The following PLA2R1 variants were observed in gnomAD, a reference collection of about 807,000 sequenced individuals.
The protein encoded by PLA2R1 is phospholipase A2 receptor 1.
A neutral mutation model predicts 195.9 loss-of-function variants in PLA2R1; 158 were observed. That is an observed-to-expected ratio of 0.81 (90% CI 0.71 to 0.92). The LOEUF is 0.92. Ranked by LOEUF, PLA2R1 falls within the 40% of genes least tolerant of loss-of-function variation. The pLI is 0.00. For synonymous variants in PLA2R1, 586 were observed against 598.2 expected, an observed-to-expected ratio of 0.98 and a Z score of 0.30; for missense variants, 1,626 against 1,764.6, an observed-to-expected ratio of 0.92 and a Z score of 1.41.
intron 23 of PLA2R1, among the ~76,000 whole-genome samples, chr2:159,954,377 C>T (rs1454861317): frequency 2.0e-5 from 3 of 151,826 alleles, no homozygotes; most frequent in Admixed American, 6.6e-5. Flanking sequence ...TTCCTGACCA[C>T]TATAATGTTT....
At position 160,062,450 on chromosome 2, in the gene PLA2R1, T is replaced by C; in HGVS notation, c.-47A>G. ...GGAGCCCCTTGTCCCGGGAGCCCCT[T>C]ATCCCGGGAGCCCAGAGCCGCGTCC... On this transcript the variant is annotated 5_prime_UTR_variant, in exon 1 of 30. It adds an upstream start codon to the 5' untranslated region. Transcript: ENST00000283243. 1 of 1,500,864 alleles carries C rather than the reference T, an allele frequency of 6.7e-7. No homozygotes were observed. The highest frequency in any genetic ancestry group is 8.9e-7 in the Non-Finnish European group (1 of 1,126,652). 93.0% of individuals were successfully genotyped at this position (1,500,864 alleles called of 1,614,324 possible). A position where few individuals can be genotyped will look rare whatever the true frequency, so the allele number is the denominator to read the frequency against.
chr2:159,944,803 T>C, intron 28 of PLA2R1, 103 bp downstream of exon 28: 2 of 812,688 alleles, frequency 2.5e-6, no homozygotes, highest in Non-Finnish European at 4.1e-6. Context: ...TCTATCTGAA[T>C]ACTCTCTCAA....
In PLA2R1 at chr2:160,022,800, G is replaced by A. The variant is rs150221555; in HGVS notation, c.1159C>T (p.Arg387Cys). The A allele has an allele frequency of 1.7e-4, 281 of 1,613,504 alleles. 1 individual carries two copies. Among genetic ancestry groups the A allele is most frequent in the Admixed American group, 9.5e-4 (57 of 59,984 alleles). Residue 387 changes from arginine (R) to cysteine (C), a missense_variant, in exon 7 of 30, where the codon CGT (arginine) becomes TGT (cysteine). Transcript: ENST00000283243. ...TCTTTCTGAAGTTTGTAGCAATTAC[G>A]ATTGTAGGGATTCCAGCCAGGCTCA... ...HCEPGWNPYN[R>C]NCYKLQKEEK...
intron 13 of PLA2R1, among the ~76,000 whole-genome samples, chr2:159,981,090 C>T (rs577262419): frequency 7.9e-5 from 12 of 152,264 alleles, no homozygotes; most frequent in Admixed American, 5.9e-4. Flanking sequence ...TCTTTCCTCA[C>T]TGAATTCAGA....
At chr2:159,991,873 T>C (rs1690831059) in intron 11 of PLA2R1, among the ~76,000 whole-genome samples, 1 of 86,792 alleles carries the variant, frequency 1.2e-5, no homozygotes, top group Non-Finnish European at 2.4e-5. Context: ...TCGTTGGACA[T>C]TTGGGTTGGT....
At chr2:159,951,680 G>C (rs998051090) in intron 23 of PLA2R1, 102 bp from the exon 24 acceptor site, 2 of 695,238 alleles carry the variant, frequency 2.9e-6, no homozygotes, top group African/African-American at 3.5e-5. Context: ...ATGTTGATCA[G>C]AGTGCTTTCT....
In PLA2R1 at chr2:160,042,175, T is replaced by C. The variant is rs771214170; in HGVS notation, c.517A>G (p.Thr173Ala). The C allele has an allele frequency of 2.5e-6, 4 of 1,613,866 alleles. No individual in the cohort carries two copies. Among genetic ancestry groups the C allele is most frequent in the Non-Finnish European group, 3.4e-6 (4 of 1,179,772 alleles). Reference sequence around the variant, plus strand: ...GGAAACATACACGGCATCCCGTGGGTGTTCCCTTTGATTGTATGCAAATCT... The same window carrying C: ...GGAAACATACACGGCATCCCGTGGGCGTTCCCTTTGATTGTATGCAAATCT... ...HKDLHTIKGN[T>A]HGMPCMFPFQ... Residue 173 changes from threonine to alanine, a missense_variant, in exon 3 of 30, where the codon ACC (threonine) becomes GCC (alanine). Coordinates refer to ENST00000283243, the MANE Select transcript of PLA2R1 (RefSeq NM_007366.5).
At chr2:160,060,968 G>A (rs557624578) in intron 1 of PLA2R1, among the ~76,000 whole-genome samples, 12 of 152,364 alleles carry the variant, frequency 7.9e-5, no homozygotes, top group African/African-American at 2.9e-4. Flanking sequence ...GAGCATCTCT[G>A]ACTTTGGTCA....
At chr2:159,942,408 G>A (rs1422423648) in intron 28 of PLA2R1, among the ~76,000 whole-genome samples, 1 of 152,120 alleles carries the variant, frequency 6.6e-6, no homozygotes, top group Non-Finnish European at 1.5e-5. Flanking sequence ...TACAGAAAAA[G>A]TTTGCTGACC....
chr2:160,009,570 T>A (rs1173728844), intron 10 of PLA2R1, among the ~76,000 whole-genome samples: 1 of 152,104 alleles, frequency 6.6e-6, no homozygotes, highest in Non-Finnish European at 1.5e-5. Context: ...GTACAGAGTT[T>A]CAGTTTGGGA....
chr2:159,952,475 A>G (rs140371462), intron 23 of PLA2R1, among the ~76,000 whole-genome samples: 175 of 152,346 alleles, frequency 1.1e-3, no homozygotes, highest in African/African-American at 4.0e-3. Flanking sequence ...AAAACAAGGT[A>G]AGAGTTTTTG....
At chr2:160,044,255 T>C (rs55713072) in intron 2 of PLA2R1, among the ~76,000 whole-genome samples, 14,129 of 152,070 alleles carry the variant, frequency 0.093, 933 homozygotes, top group East Asian at 0.25. Flanking sequence ...CCCCCGACAA[T>C]AGTCTGTCAT....
the PLA2R1 span, among the ~76,000 whole-genome samples, chr2:159,926,762 A>G: frequency 1.3e-5 from 2 of 152,094 alleles, no homozygotes; most frequent in African/African-American, 4.8e-5. Flanking sequence ...GGGATGATGA[A>G]CTACCCCTTC....
chr2:159,963,455 C>T (rs926821836), intron 20 of PLA2R1, among the ~76,000 whole-genome samples: 10 of 152,172 alleles, frequency 6.6e-5, no homozygotes, highest in African/African-American at 1.9e-4. Flanking sequence ...AAAAGACAAC[C>T]TACAGAATGA....
chr2:159,951,339 C>T lies in PLA2R1; in HGVS notation c.3540+1G>A, dbSNP rs1687729448. On this transcript the variant is annotated splice_donor_variant, in intron 24 of 29. Transcript: ENST00000283243. LOFTEE classifies it high-confidence loss of function. Reference sequence around the variant, plus strand: ...TGTCTCAAGGGAGTTAGGATACCTACATCTGTGGTGAACAGTCCAATCCAG... The same window carrying T: ...TGTCTCAAGGGAGTTAGGATACCTATATCTGTGGTGAACAGTCCAATCCAG... The T allele has an allele frequency of 1.9e-6, 3 of 1,543,010 alleles. No homozygotes were observed. The highest frequency in any genetic ancestry group is 1.4e-5 in the African/African-American group (1 of 73,582).
Position 160,013,373 on chromosome 2 carries a change from T to A in PLA2R1, c.1554A>T (p.Gly518=). 1 of 1,575,834 alleles carries A rather than the reference T, an allele frequency of 6.3e-7. No individual in the cohort carries two copies. Among genetic ancestry groups the A allele is most frequent in the Non-Finnish European group, 8.7e-7 (1 of 1,146,952 alleles). ...LSDAESGCQE[G]WERHGGFCYK... ...AACAGAATCCACCATGTCTCTCCCA[T>A]CCCTTAAAAAGAATAAAAGGGAAAT... is the stretch of plus-strand genomic sequence containing the variant. Residue 518 remains glycine (G), a splice_region_variant and synonymous_variant, in exon 10 of 30, where the codon GGA becomes GGT. Coordinates refer to ENST00000283243, the MANE Select transcript of PLA2R1 (RefSeq NM_007366.5).
chr2:160,014,144 C>T (rs1375712545), intron 9 of PLA2R1, among the ~76,000 whole-genome samples: 1 of 151,878 alleles, frequency 6.6e-6, no homozygotes, highest in Non-Finnish European at 1.5e-5. Context: ...GGCCTGAAAC[C>T]CAATTCTGGA....
At chr2:160,023,523 T>C (rs964270729) in intron 6 of PLA2R1, among the ~76,000 whole-genome samples, 8 of 152,284 alleles carry the variant, frequency 5.3e-5, no homozygotes, top group African/African-American at 1.7e-4. Context: ...GTTCCGAAAA[T>C]TGTATACCCC....
In PLA2R1 at chr2:159,946,355, C is replaced by A. The variant is rs528724406; in HGVS notation, c.3967+446G>T. 101 of 984,558 alleles carry A rather than the reference C, an allele frequency of 1.0e-4. No homozygotes were observed. The South Asian group carries it at 4.4e-3, about 43-fold the overall frequency. 61.0% of individuals were successfully genotyped at this position (984,558 alleles called of 1,614,324 possible). A position where few individuals can be genotyped will look rare whatever the true frequency, so the allele number is the denominator to read the frequency against. ...CATCAATTACATAAAGAAAAGAATA[C>A]CATGCTTCCATTTTATTACAAACTC... On this transcript the variant is annotated intron_variant, in intron 27 of 29. Transcript: ENST00000283243.
Sources: allele counts gnomAD v4.1 joint callset (sites outside exome capture counted in the v4.1 genomes callset), GRCh38; gene constraint gnomAD v4.1.1; transcripts MANE v1.5; gene names NCBI Gene and HGNC (gene_info 2026-07-23, HGNC 2026-07-21).